Variants in ITGB2 observed in about 807,000 individuals in gnomAD.
The protein encoded by ITGB2 is integrin beta-2.
In ITGB2, 56 loss-of-function variants were observed where a neutral mutation model predicts 86.8. That is an observed-to-expected ratio of 0.65 (90% CI 0.52 to 0.81). The LOEUF (loss-of-function observed/expected upper bound fraction) is 0.81, where lower values mean the gene tolerates loss of function less well. ITGB2 is among the 30% of genes least tolerant of loss of function. The pLI is 0.00. For missense variants in ITGB2, 948 were observed against 1,061.2 expected, an observed-to-expected ratio of 0.89 and a Z score of 1.48; for synonymous variants, 457 against 450.4, an observed-to-expected ratio of 1.01 and a Z score of -0.19.
Position 44,890,128 on chromosome 21 carries a change from AGTT to A in ITGB2, c.1504_1506del (p.Asn502del), listed in dbSNP as rs758674826. 8.1e-6 allele frequency: 13 copies of A among 1,613,130 alleles called. No homozygotes were observed. Among genetic ancestry groups the A allele is most frequent in the African/African-American group, 2.7e-5 (2 of 74,840 alleles). Reference sequence around the variant, plus strand: ...TCCCCCAGCCCTGAGCAGATGATGGAGTTGTTGTCCTTCCGGCAGCTTCCTTCC... The same window carrying A: ...TCCCCCAGCCCTGAGCAGATGATGGAGTTGTCCTTCCGGCAGCTTCCTTCC... On this transcript the variant is annotated inframe_deletion, in exon 12 of 16. Coordinates refer to ENST00000652462, the MANE Select transcript of ITGB2 (RefSeq NM_000211.5).
intron 10 of ITGB2, among the ~76,000 whole-genome samples, chr21:44,892,304 A>G (rs1000961948): frequency 2.6e-5 from 4 of 152,174 alleles, no homozygotes; most frequent in Admixed American, 2.6e-4. Flanking sequence ...ACCACCCAAC[A>G]TGAGGGAAAC....
chr21:44,910,705 C>T lies in ITGB2; in HGVS notation c.58+20G>A. The T allele has an allele frequency of 6.2e-7, 1 of 1,613,098 alleles. No individual in the cohort carries two copies. Among genetic ancestry groups the T allele is most frequent in the South Asian group, 1.1e-5 (1 of 90,974 alleles). ...TGGAATGTCACGCGTGGAGTCCCCTCCGTGGAACACAGAACTCACCGCACC... is the reference window on the plus strand; with the variant it reads ...TGGAATGTCACGCGTGGAGTCCCCTTCGTGGAACACAGAACTCACCGCACC... On this transcript the variant is annotated intron_variant, in intron 2 of 15. Transcript: ENST00000652462.
intron 3 of ITGB2, 30 bp from the exon 4 acceptor site, chr21:44,907,125 G>C (rs1568898737): frequency 3.2e-6 from 5 of 1,539,686 alleles, no homozygotes; most frequent in Non-Finnish European, 4.4e-6. Flanking sequence ...GGTCAGGAGG[G>C]GGCCACACTG....
At chr21:44,915,306 G>A (rs964533466) in intron 1 of ITGB2, among the ~76,000 whole-genome samples, 18 of 152,144 alleles carry the variant, frequency 1.2e-4, no homozygotes, top group African/African-American at 4.3e-4. Context: ...TTACAGGCGT[G>A]AGCCACCGTG....
At position 44,888,761 on chromosome 21, in the gene ITGB2, C is replaced by T. The variant is rs1266940217; in HGVS notation, c.2012G>A (p.Trp671Ter). Residue 671 changes from tryptophan (W) to a stop codon, truncating the protein, a stop_gained, in exon 14 of 16, where the codon TGG becomes TAG. Coordinates refer to ENST00000652462, the MANE Select transcript of ITGB2 (RefSeq NM_000211.5). LOFTEE classifies it high-confidence loss of function. ...TCKERDSEGCWVAYTLEQQDG... is the reference protein window; with the variant it reads ...TCKERDSEGC ...CTGCTGCTCCAGCGTGTAGGCCACC[C>T]AGCAGCCCTCTGAGTCCCTCTCCTT... 1 of 1,612,018 alleles carries T rather than the reference C, an allele frequency of 6.2e-7. No homozygotes were observed.
At chr21:44,892,188 C>T (rs1025671719) in intron 10 of ITGB2, among the ~76,000 whole-genome samples, 192 bp from the exon 11 acceptor site, 15 of 152,318 alleles carry the variant, frequency 9.8e-5, no homozygotes, top group African/African-American at 2.6e-4. Context: ...GTGCTCTGCC[C>T]GCACTCCCGC....
intron 8 of ITGB2, among the ~76,000 whole-genome samples, chr21:44,895,529 C>CA (rs1441180905): frequency 2.7e-5 from 4 of 147,214 alleles, no homozygotes; most frequent in African/African-American, 5.0e-5. Flanking sequence ...GACCTTGTCT[C>CA]AAAAAAACAA....
chr21:44,891,619 T>C (rs2083786245), intron 11 of ITGB2, among the ~76,000 whole-genome samples, 190 bp downstream of exon 11: 1 of 151,974 alleles, frequency 6.6e-6, no homozygotes, highest in South Asian at 2.1e-4. Context: ...GGAGCACGGG[T>C]GAGGGCTTGC....
intron 1 of ITGB2, among the ~76,000 whole-genome samples, chr21:44,917,820 G>A (rs922463288): frequency 1.3e-5 from 2 of 152,132 alleles, no homozygotes; most frequent in African/African-American, 4.8e-5. Context: ...AAATCAGCTG[G>A]GCAGGAAGGT....
At chr21:44,906,795 G>T in intron 4 of ITGB2, 120 bp downstream of exon 4, 1 of 1,076,854 alleles carries the variant, frequency 9.3e-7, no homozygotes, top group Non-Finnish European at 1.4e-6. Flanking sequence ...CCACACACCC[G>T]TCCGACCCGG....
intron 4 of ITGB2, among the ~76,000 whole-genome samples, chr21:44,905,022 G>T (rs1453507635): frequency 6.6e-6 from 1 of 152,224 alleles, no homozygotes; most frequent in Non-Finnish European, 1.5e-5. Context: ...GGCTTTGGGG[G>T]CCGTGCGGCG....
intron 11 of ITGB2, among the ~76,000 whole-genome samples, chr21:44,891,353 A>T (rs1458751418): frequency 6.6e-6 from 1 of 151,858 alleles, no homozygotes; most frequent in Non-Finnish European, 1.5e-5. Flanking sequence ...CTAGCCACCC[A>T]TGCCCCAGGG....
At position 44,886,259 on chromosome 21, in the gene ITGB2, G is replaced by A; in HGVS notation, c.*109C>T. 1 of 1,104,124 alleles carries A rather than the reference G, an allele frequency of 9.1e-7. No individual in the cohort carries two copies. Among genetic ancestry groups the A allele is most frequent in the Non-Finnish European group, 1.4e-6 (1 of 717,458 alleles). 68.4% of individuals were successfully genotyped at this position (1,104,124 alleles called of 1,614,324 possible). A position where few individuals can be genotyped will look rare whatever the true frequency, so the allele number is the denominator to read the frequency against. On this transcript the variant is annotated 3_prime_UTR_variant, in exon 16 of 16. Transcript: ENST00000652462. ...TCATTTTGAGGGCGGAAAATAACTG[G>A]ATTTCTGGTTAATTGGTGACATCCT...
chr21:44,898,989 C>G (rs1463460455), intron 8 of ITGB2, 78 bp downstream of exon 8: 2 of 1,170,644 alleles, frequency 1.7e-6, no homozygotes, highest in Non-Finnish European at 2.5e-6. Flanking sequence ...GGCGCTCAGA[C>G]CTGCAGTGGC....
At chr21:44,901,773 G>C in intron 5 of ITGB2, 40 bp from the exon 6 acceptor site, 1 of 1,584,706 alleles carries the variant, frequency 6.3e-7, no homozygotes, top group East Asian at 2.3e-5. Context: ...TGGCAGGCTG[G>C]GCCCAGGTGG....
intron 6 of ITGB2, among the ~76,000 whole-genome samples, chr21:44,900,847 C>T (rs1321546771): frequency 1.3e-5 from 2 of 152,214 alleles, no homozygotes; most frequent in Non-Finnish European, 2.9e-5. Context: ...TGGAGGAAAA[C>T]GAGCCTGAGG....
intron 1 of ITGB2, among the ~76,000 whole-genome samples, chr21:44,916,738 G>T (rs555347988): frequency 1.3e-5 from 2 of 151,774 alleles, no homozygotes; most frequent in East Asian, 1.9e-4. Flanking sequence ...CTTGGTGGCG[G>T]GCGCCTGTAA....
intron 1 of ITGB2, among the ~76,000 whole-genome samples, chr21:44,919,876 GCA>G (rs1477887893): frequency 1.3e-3 from 198 of 147,308 alleles, no homozygotes; most frequent in African/African-American, 3.3e-3. Context: ...GGTGGAGGAT[GCA>G]TGGGGAGGGC....
chr21:44,924,735 A>G (rs2838739), upstream of ITGB2, among the ~76,000 whole-genome samples: 87,860 of 152,080 alleles, frequency 0.58, 27,974 homozygotes, highest in African/African-American at 0.86. Flanking sequence ...AGCCTAGATC[A>G]CATACATCCA....
Sources: allele counts gnomAD v4.1 joint callset (sites outside exome capture counted in the v4.1 genomes callset), GRCh38; gene constraint gnomAD v4.1.1; transcripts MANE v1.5; gene names NCBI Gene and HGNC (gene_info 2026-07-23, HGNC 2026-07-21).